TLK2: variants seen among roughly 807,000 people sequenced by gnomAD.
TLK2 encodes the protein serine/threonine-protein kinase tousled-like 2.
TLK2 carries 6 observed loss-of-function variants against 117.3 expected under a neutral mutation model. The observed-to-expected ratio is 0.05, with a 90% CI of 0.03 to 0.10. The LOEUF (loss-of-function observed/expected upper bound fraction) is 0.10, where lower values mean the gene tolerates loss of function less well. TLK2 is among the 10% of genes least tolerant of loss of function. TLK2 has a pLI of 1.00. For synonymous variants in TLK2, 257 were observed against 316.7 expected (o/e 0.81, Z 2.00); for missense variants, 299 against 901.2 (o/e 0.33, Z 8.56).
At chr17:62,574,456 G>A (rs1174322363) in intron 12 of TLK2, 9 of 881,066 alleles carry the variant, frequency 1.0e-5, no homozygotes, top group Non-Finnish European at 1.6e-5. Context: ...TAAGTATAGC[G>A]ATAAAAATGT....
In TLK2 at chr17:62,534,984, G is replaced by A. The variant is rs144858056; in HGVS notation, c.364-1186G>A. On this transcript the variant is annotated intron_variant, in intron 6 of 21. Coordinates refer to ENST00000346027, the MANE Select transcript of TLK2 (RefSeq NM_006852.6). ...GCTCACTGCAACTTCCGCCTCCTGG[G>A]TTTAAGCAATTCTTCTGCCTTAGCC... 2.3e-3 allele frequency among the ~76,000 whole-genome samples: 352 copies of A among 150,230 alleles called. 3 individuals are homozygous for A. Among genetic ancestry groups the A allele is most frequent in the African/African-American group, 6.6e-3 (270 of 40,870 alleles).
At chr17:62,607,537 A>T (rs527729844) in intron 20 of TLK2, among the ~76,000 whole-genome samples, 1 of 151,844 alleles carries the variant, frequency 6.6e-6, no homozygotes, top group Non-Finnish European at 1.5e-5. Flanking sequence ...TCAAAAAAAA[A>T]GACAAAGGAA....
intron 7 of TLK2, among the ~76,000 whole-genome samples, chr17:62,539,985 C>T (rs1179944637): frequency 6.6e-6 from 1 of 152,094 alleles, no homozygotes; most frequent in Non-Finnish European, 1.5e-5. Context: ...CTGAACTCTT[C>T]CTTCTGTTCC....
intron 2 of TLK2, 90 bp from the exon 3 acceptor site, chr17:62,520,676 TAAAAAAA>T: frequency 1.1e-6 from 1 of 876,084 alleles, no homozygotes; most frequent in Non-Finnish European, 1.5e-6. Context: ...AAACTCTGTC[TAAAAAAA>T]AAAAAAAAAA....
chr17:62,481,141 C>T lies in TLK2; in HGVS notation c.16C>T (p.His6Tyr). The change falls in exon 2 of 22, where the codon CAT (histidine) becomes TAT (tyrosine). Residue 6 changes from histidine (H) to tyrosine (Y), a missense_variant. Physicochemically the swap from His to Tyr is moderately conservative, Grantham distance 83 (BLOSUM62 2). Transcript: ENST00000346027. MMEEL[H>Y]SLDPRRQELL... The stretch of plus-strand genomic sequence containing the variant: ...TTCAGCAGAAATGATGGAAGAATTG[C>T]ATAGCCTGGACCCACGACGGCAGGA... 1 of 1,613,852 alleles carries T rather than the reference C, an allele frequency of 6.2e-7. No homozygotes were observed. The highest frequency in any genetic ancestry group is 8.5e-7 in the Non-Finnish European group (1 of 1,179,792).
intron 21 of TLK2, 53 bp from the exon 22 acceptor site, chr17:62,612,339 T>A (rs2083864630): frequency 6.3e-7 from 1 of 1,582,080 alleles, no homozygotes; most frequent in African/African-American, 1.3e-5. Flanking sequence ...TAGGGTTCCC[T>A]CCAGGGGTGC....
intron 2 of TLK2, among the ~76,000 whole-genome samples, chr17:62,518,279 A>G (rs539154612): frequency 3.9e-5 from 6 of 152,348 alleles, no homozygotes; most frequent in Admixed American, 2.0e-4. Flanking sequence ...AATGTTTTCT[A>G]TGATTATTAT....
At chr17:62,530,055 A>T (rs1277612858) in intron 6 of TLK2, among the ~76,000 whole-genome samples, 1 of 151,994 alleles carries the variant, frequency 6.6e-6, no homozygotes, top group Non-Finnish European at 1.5e-5. Flanking sequence ...CAGGCAAATC[A>T]TGAGGTCAGG....
chr17:62,547,189 A>T (rs1000205913), intron 7 of TLK2, among the ~76,000 whole-genome samples: 17 of 152,282 alleles, frequency 1.1e-4, no homozygotes, highest in Non-Finnish European at 1.6e-4. Flanking sequence ...CTTTACTTTT[A>T]AAGTTGTTTA....
intron 16 of TLK2, 142 bp from the exon 17 acceptor site, chr17:62,596,443 G>A (rs2082486377): frequency 1.6e-6 from 1 of 617,194 alleles, no homozygotes; most frequent in Non-Finnish European, 2.8e-6. Flanking sequence ...AAAGAGAAAA[G>A]TCAGATGAGG....
intron 2 of TLK2, among the ~76,000 whole-genome samples, chr17:62,502,027 CA>C (rs200651430): frequency 6.7e-5 from 5 of 75,104 alleles, no homozygotes; most frequent in Non-Finnish European, 1.2e-4. Flanking sequence ...GAAAAAATAC[CA>C]ATTTTTTTTT....
chr17:62,560,267 T>C (rs2079159517), intron 10 of TLK2, 141 bp downstream of exon 10: 3 of 590,518 alleles, frequency 5.1e-6, no homozygotes, highest in Non-Finnish European at 8.2e-6. Flanking sequence ...TAGAATTTTT[T>C]CCTTACATGG....
At chr17:62,471,885 AGTCTTTT>A (rs2070946378) in intron 1 of TLK2, among the ~76,000 whole-genome samples, 1 of 52,760 alleles carries the variant, frequency 1.9e-5, no homozygotes, top group Non-Finnish European at 3.9e-5. Context: ...TAGGTAGTAT[AGTCTTTT>A]TTTTTTTTTT....
chr17:62,563,262 A>G (rs539157118), intron 10 of TLK2, among the ~76,000 whole-genome samples: 2 of 152,268 alleles, frequency 1.3e-5, no homozygotes, highest in South Asian at 4.2e-4. Context: ...ACCTATTCAG[A>G]TGAGCAGTGC....
intron 21 of TLK2, among the ~76,000 whole-genome samples, chr17:62,610,633 G>A (rs79256315): frequency 0.013 from 2,053 of 152,236 alleles, 40 homozygotes; most frequent in African/African-American, 0.047. Flanking sequence ...TGCAGGAGCC[G>A]TTAGATCTGC....
Position 62,548,236 on chromosome 17 carries a change from A to ATGTGTGTGTGTGTG in TLK2, c.532-4065_532-4064insGTGTGTGTGTGTGT, listed in dbSNP as rs759563217. Among the ~76,000 whole-genome samples the ATGTGTGTGTGTGTG allele has an allele frequency of 6.1e-4, 19 of 31,188 alleles. No homozygotes were observed. The East Asian group carries it at 6.7e-3, about 11-fold the overall frequency. The allele number at this position is 31,188 out of a possible 152,430, so 20.5% of individuals were successfully genotyped here. A position where few individuals can be genotyped will look rare whatever the true frequency, so the allele number is the denominator to read the frequency against. On this transcript the variant is annotated intron_variant, in intron 7 of 21. Transcript: ENST00000346027. ...TTACTTATCATTGGGCCATATATAT[A>ATGTGTGTGTGTGTG]TATATGTGTGTGTGTGTGTGTGTGT...
chr17:62,540,437 G>C (rs1220667120), intron 7 of TLK2, among the ~76,000 whole-genome samples: 1 of 55,142 alleles, frequency 1.8e-5, no homozygotes, highest in African/African-American at 5.0e-5. Flanking sequence ...ACAGAGTCTT[G>C]CGTTGTTACC....
At chr17:62,552,476 C>A in intron 8 of TLK2, 79 bp downstream of exon 8, 1 of 1,590,990 alleles carries the variant, frequency 6.3e-7, no homozygotes. Context: ...GTCTGTCATT[C>A]TTCTCTGACT....
At chr17:62,481,960 T>C (rs535528827) in intron 2 of TLK2, among the ~76,000 whole-genome samples, 41 of 152,314 alleles carry the variant, frequency 2.7e-4, no homozygotes, top group African/African-American at 9.6e-4. Flanking sequence ...AATTTTTTTT[T>C]TTGAGACAGA....
Sources: gnomAD v4.1 joint callset for allele counts (sites outside exome capture counted in the v4.1 genomes callset) on GRCh38, gnomAD v4.1.1 for gene constraint, MANE v1.5 for transcripts, NCBI Gene and HGNC (gene_info 2026-07-23, HGNC 2026-07-21) for gene names.